MACROD2: variants seen among roughly 807,000 people sequenced by gnomAD.
The protein encoded by MACROD2 is mono-ADP ribosylhydrolase 2, also known as ADP-ribose glycohydrolase MACROD2.
Under a neutral mutation model 70.4 loss-of-function variants are expected in MACROD2, and 36 were observed. The observed-to-expected ratio is 0.51, with a 90% confidence interval of 0.39 to 0.68. The LOEUF is 0.68. Ranked by LOEUF, MACROD2 falls within the 30% of genes least tolerant of loss-of-function variation. MACROD2 has a pLI of 0.00. For synonymous variants in MACROD2, 172 were observed against 178.8 expected, an observed-to-expected ratio of 0.96 and a Z score of 0.30; for missense variants, 496 against 538.4, an observed-to-expected ratio of 0.92 and a Z score of 0.78.
At chr20:15,694,432 A>C (rs879936763) in intron 8 of MACROD2, among the ~76,000 whole-genome samples, 2 of 152,080 alleles carry the variant, frequency 1.3e-5, no homozygotes, top group African/African-American at 4.8e-5. Flanking sequence ...GTGGTATCAC[A>C]TTGTGGTTTT....
chr20:15,996,477 G>A (rs2066633948), intron 15 of MACROD2, among the ~76,000 whole-genome samples: 1 of 151,778 alleles, frequency 6.6e-6, no homozygotes. Context: ...CTGGTCCTGG[G>A]CTTTTCTTTG....
chr20:15,253,614 C>T (rs746298297), intron 6 of MACROD2, among the ~76,000 whole-genome samples: 5 of 152,164 alleles, frequency 3.3e-5, no homozygotes, highest in Admixed American at 6.5e-5. Flanking sequence ...ATCCATACCC[C>T]GAGGGCTGGA....
intron 10 of MACROD2, among the ~76,000 whole-genome samples, chr20:15,924,783 GC>G (rs1467887887): frequency 6.6e-6 from 1 of 151,172 alleles, no homozygotes; most frequent in African/African-American, 2.4e-5. Context: ...CCATTCTTCA[GC>G]AAAAAAAAAG....
At chr20:15,472,764 T>C (rs2046977903) in intron 7 of MACROD2, among the ~76,000 whole-genome samples, 1 of 152,200 alleles carries the variant, frequency 6.6e-6, no homozygotes, top group Non-Finnish European at 1.5e-5. Context: ...CAATGTTCTT[T>C]CCCATAACTA....
At chr20:14,154,573 T>A (rs1333977729) in intron 3 of MACROD2, among the ~76,000 whole-genome samples, 47 of 54,456 alleles carry the variant, frequency 8.6e-4, no homozygotes, top group Non-Finnish European at 1.0e-3. Context: ...TTTTTTTTTT[T>A]TTTTTTTTTT....
intron 5 of MACROD2, among the ~76,000 whole-genome samples, chr20:15,031,416 A>G (rs910057801): frequency 6.6e-6 from 1 of 152,174 alleles, no homozygotes; most frequent in Non-Finnish European, 1.5e-5. Flanking sequence ...CTTGTCTGGC[A>G]TCCAGGAAGA....
At chr20:15,423,018 A>G (rs2046250461) in intron 6 of MACROD2, among the ~76,000 whole-genome samples, 1 of 152,204 alleles carries the variant, frequency 6.6e-6, no homozygotes, top group Non-Finnish European at 1.5e-5. Flanking sequence ...TTTATTTTCA[A>G]AGGAAACTTT....
intron 8 of MACROD2, among the ~76,000 whole-genome samples, chr20:15,578,272 T>C (rs1422916900): frequency 6.6e-6 from 1 of 152,230 alleles, no homozygotes; most frequent in Non-Finnish European, 1.5e-5. Flanking sequence ...ATTTGTGATA[T>C]TCTGCATGGG....
At chr20:15,067,077 A>AT (rs1568557235) in intron 5 of MACROD2, among the ~76,000 whole-genome samples, 1 of 152,094 alleles carries the variant, frequency 6.6e-6, no homozygotes, top group Non-Finnish European at 1.5e-5. Context: ...TTTATTTCCT[A>AT]TTTTATCTTC....
intron 4 of MACROD2, among the ~76,000 whole-genome samples, chr20:14,663,909 C>T (rs867350995): frequency 6.6e-6 from 1 of 151,918 alleles, no homozygotes; most frequent in African/African-American, 2.4e-5. Flanking sequence ...TTGTTTTCTC[C>T]TTACCACTTT....
chr20:14,866,988 C>A (rs1029807429), intron 5 of MACROD2, among the ~76,000 whole-genome samples: 1 of 152,034 alleles, frequency 6.6e-6, no homozygotes, highest in South Asian at 2.1e-4. Flanking sequence ...CAGTAATTTT[C>A]CCCCCTGCCT....
At chr20:14,130,277 G>T (rs554369580) in intron 3 of MACROD2, among the ~76,000 whole-genome samples, 9 of 152,316 alleles carry the variant, frequency 5.9e-5, no homozygotes, top group African/African-American at 1.9e-4. Flanking sequence ...GCTGGGCACG[G>T]TGGCTCACAC....
intron 2 of MACROD2, among the ~76,000 whole-genome samples, chr20:14,022,220 T>C (rs1050760956): frequency 1.3e-5 from 2 of 152,116 alleles, no homozygotes; most frequent in Admixed American, 1.3e-4. Flanking sequence ...TGAGGAGGAA[T>C]GAAAAGAGAA....
At chr20:15,683,500 G>A (rs1292193506) in intron 8 of MACROD2, among the ~76,000 whole-genome samples, 1 of 152,146 alleles carries the variant, frequency 6.6e-6, no homozygotes, top group African/African-American at 2.4e-5. Flanking sequence ...TGTATTGGGA[G>A]CAAAATTATT....
rs1203010559 is a variant in MACROD2 at position 15,148,384 on chromosome 20, C to T, written c.419-81556C>T. On this transcript the variant is annotated intron_variant, in intron 5 of 17. Transcript: ENST00000684519. ...TTAAAGGACTAAGAATTGGGAGGACCTAGGACATCTAATTAGAGAGTGCTT... is the reference window on the plus strand; with the variant it reads ...TTAAAGGACTAAGAATTGGGAGGACTTAGGACATCTAATTAGAGAGTGCTT... Among the ~76,000 whole-genome samples, 3 of 151,910 alleles carry T rather than the reference C, an allele frequency of 2.0e-5. No individual in the cohort carries two copies. The East Asian group carries it at 5.8e-4, about 29-fold the overall frequency.
chr20:14,539,815 G>A (rs1338772368), intron 4 of MACROD2, among the ~76,000 whole-genome samples: 1 of 152,150 alleles, frequency 6.6e-6, no homozygotes, highest in Admixed American at 6.5e-5. Context: ...CAAATACAGA[G>A]GTAACAAATT....
chr20:15,119,506 G>T (rs2076015705), intron 5 of MACROD2, among the ~76,000 whole-genome samples: 1 of 152,148 alleles, frequency 6.6e-6, no homozygotes, highest in Non-Finnish European at 1.5e-5. Flanking sequence ...GGACAAGATT[G>T]CAGTGATGTT....
At chr20:15,990,519 A>G (rs2066543851) in intron 15 of MACROD2, among the ~76,000 whole-genome samples, 1 of 152,176 alleles carries the variant, frequency 6.6e-6, no homozygotes. Context: ...AATTTTTCAT[A>G]TCAATTAATA....
intron 13 of MACROD2, among the ~76,000 whole-genome samples, chr20:15,976,923 G>A (rs2066314601): frequency 6.6e-6 from 1 of 152,120 alleles, no homozygotes. Context: ...GAAACTCCCT[G>A]GTGTTCATCA....
Sources: gnomAD v4.1 joint callset for allele counts (sites outside exome capture counted in the v4.1 genomes callset) on GRCh38, gnomAD v4.1.1 for gene constraint, MANE v1.5 for transcripts, NCBI Gene and HGNC (gene_info 2026-07-23, HGNC 2026-07-21) for gene names.